The following MTMR14 variants were observed in gnomAD, a reference collection of about 807,000 sequenced individuals.
MTMR14 encodes the protein phosphatidylinositol-3,5-bisphosphate 3-phosphatase MTMR14.
In MTMR14, 48 loss-of-function variants were observed where a neutral mutation model predicts 86.3. That is an observed-to-expected ratio of 0.56 (90% CI 0.44 to 0.71). The LOEUF is 0.71. Ranked by LOEUF, MTMR14 falls within the 30% of genes least tolerant of loss-of-function variation. MTMR14 has a pLI of 0.00. For missense variants in MTMR14, 780 were observed against 834.6 expected (o/e 0.93, Z 0.81); for synonymous variants, 366 against 326.1 (o/e 1.12, Z -1.32).
At chr3:9,686,515 C>G (rs1305127593) in intron 13 of MTMR14, among the ~76,000 whole-genome samples, 42 of 152,152 alleles carry the variant, frequency 2.8e-4, no homozygotes, top group Non-Finnish European at 2.4e-4. Flanking sequence ...GACACTGATG[C>G]GTCCAAAGCA....
At chr3:9,693,338 G>A (rs1207774141) in intron 17 of MTMR14, among the ~76,000 whole-genome samples, 1 of 152,208 alleles carries the variant, frequency 6.6e-6, no homozygotes, top group African/African-American at 2.4e-5. Context: ...GGGAGGATGT[G>A]CATAGGTTAT....
At chr3:9,657,520 T>C (rs1477966255) in intron 2 of MTMR14, among the ~76,000 whole-genome samples, 1 of 152,104 alleles carries the variant, frequency 6.6e-6, no homozygotes, top group Non-Finnish European at 1.5e-5. Context: ...CCTACAACTA[T>C]TCAGTGAAGA....
At chr3:9,689,746 C>A (rs1163190119) in intron 16 of MTMR14, among the ~76,000 whole-genome samples, 3 of 152,264 alleles carry the variant, frequency 2.0e-5, no homozygotes, top group African/African-American at 7.2e-5. Flanking sequence ...GCACATACTT[C>A]AAGACCAGTA....
chr3:9,651,492 G>A (rs1301537604), intron 1 of MTMR14, among the ~76,000 whole-genome samples: 1 of 152,132 alleles, frequency 6.6e-6, no homozygotes, highest in Non-Finnish European at 1.5e-5. Context: ...GTTAGCATAA[G>A]TTACACCTCA....
chr3:9,655,096 G>C (rs974338241), intron 2 of MTMR14, among the ~76,000 whole-genome samples: 1 of 152,050 alleles, frequency 6.6e-6, no homozygotes, highest in African/African-American at 2.4e-5. Flanking sequence ...ATGGATTCTC[G>C]GCCTGGCCTA....
At chr3:9,697,341 A>C (rs1190792160) in intron 17 of MTMR14, among the ~76,000 whole-genome samples, 1 of 152,022 alleles carries the variant, frequency 6.6e-6, no homozygotes, top group Non-Finnish European at 1.5e-5. Context: ...GGTCACCTTC[A>C]TTTGGGTGCT....
chr3:9,662,201 A>G lies in MTMR14; in HGVS notation c.309-66A>G, dbSNP rs190873481. The stretch of plus-strand genomic sequence containing the variant: ...ATCTAGTATGGGGGTCTGTGTGAAT[A>G]AACACATATACACAAAGTGCCCACT... On this transcript the variant is annotated intron_variant, in intron 2 of 18. Transcript: ENST00000296003. 6.1e-5 allele frequency: 73 copies of G among 1,191,840 alleles called. No homozygotes were observed. In the African/African-American group the frequency reaches 9.4e-4, roughly 15 times the overall value. The allele number at this position is 1,191,840 out of a possible 1,614,324, so 73.8% of individuals were successfully genotyped here.
At chr3:9,695,019 G>A (rs1382357131) in intron 17 of MTMR14, among the ~76,000 whole-genome samples, 1 of 152,202 alleles carries the variant, frequency 6.6e-6, no homozygotes, top group East Asian at 1.9e-4. Context: ...GGGTTGCTTG[G>A]TCCCATGTTC....
chr3:9,684,641 A>G lies in MTMR14; in HGVS notation c.1021A>G (p.Ile341Val), dbSNP rs1370919131. 4 of 1,613,852 alleles carry G rather than the reference A, an allele frequency of 2.5e-6. No homozygotes were observed. Among genetic ancestry groups the G allele is most frequent in the African/African-American group, 1.3e-5 (1 of 74,916 alleles). ...AGGCTGGGATCGGACCCCCCTCTTC[A>G]TCTCCCTCCTGCGCCTTTCCTTGTG... ...ISGWDRTPLF[I>V]SLLRLSLWAD... The change falls in exon 11 of 19, where the codon ATC (isoleucine) becomes GTC (valine). Residue 341 changes from isoleucine to valine, a missense_variant. By Grantham distance (29) the Ile-to-Val change is conservative. Coordinates refer to ENST00000296003, the MANE Select transcript of MTMR14 (RefSeq NM_001077525.3).
At chr3:9,651,029 A>C (rs1387916793) in intron 1 of MTMR14, among the ~76,000 whole-genome samples, 1 of 152,084 alleles carries the variant, frequency 6.6e-6, no homozygotes, top group East Asian at 1.9e-4. Flanking sequence ...AGCTCAGGTG[A>C]TCCGCCTACC....
intron 1 of MTMR14, among the ~76,000 whole-genome samples, chr3:9,652,228 A>G (rs1000681359): frequency 6.6e-6 from 1 of 152,168 alleles, no homozygotes; most frequent in Non-Finnish European, 1.5e-5. Flanking sequence ...GTGCCTCCCA[A>G]AGTGCTGGGA....
At chr3:9,657,450 C>T (rs893261569) in intron 2 of MTMR14, among the ~76,000 whole-genome samples, 2 of 152,082 alleles carry the variant, frequency 1.3e-5, no homozygotes, top group Non-Finnish European at 2.9e-5. Context: ...GAGACTGAAA[C>T]TAGTATTTGT....
intron 3 of MTMR14, among the ~76,000 whole-genome samples, chr3:9,668,362 C>T (rs1166547235): frequency 6.6e-6 from 1 of 152,226 alleles, no homozygotes; most frequent in Non-Finnish European, 1.5e-5. Context: ...AGCAACAATG[C>T]ATGCCACCTG....
intron 13 of MTMR14, among the ~76,000 whole-genome samples, chr3:9,685,868 C>T (rs189347621): frequency 1.8e-4 from 28 of 152,280 alleles, no homozygotes; most frequent in Admixed American, 7.8e-4. Context: ...GGTCTGGAGT[C>T]GGCCCTGAGT....
chr3:9,686,061 T>C (rs1243825531), intron 13 of MTMR14, among the ~76,000 whole-genome samples: 1 of 152,162 alleles, frequency 6.6e-6, no homozygotes, highest in Non-Finnish European at 1.5e-5. Flanking sequence ...TTCTCATCTT[T>C]CTCACCCTCA....
In MTMR14 at chr3:9,656,331, C is replaced by T. The variant is rs529559649; in HGVS notation, c.308+2562C>T. On this transcript the variant is annotated intron_variant, in intron 2 of 18. Transcript: ENST00000296003. ...GTTATATAACCTAAGAACTTGGGAT[C>T]GCCAAGCCTAAAGAATTGGGGTTTG... 5.3e-5 allele frequency among the ~76,000 whole-genome samples: 8 copies of T among 152,224 alleles called. 1 individual carries two copies. The highest frequency in any genetic ancestry group is 1.4e-4 in the African/African-American group (6 of 41,540).
chr3:9,689,970 G>T lies in MTMR14; in HGVS notation c.1440G>T (p.Lys480Asn), dbSNP rs1324501486. 1 of 1,610,040 alleles carries T rather than the reference G, an allele frequency of 6.2e-7. No individual in the cohort carries two copies. The highest frequency in any genetic ancestry group is 1.3e-5 in the African/African-American group (1 of 74,982). The part of the protein sequence containing the change: ...AGAPTQAAWR[K>N]SHSSSPQSVL... ...CCTGCTCCTTCCACTGCAGGAGGAA[G>T]AGCCACTCATCCTCTCCACAGAGTG... Residue 480 changes from lysine to asparagine, a missense_variant, in exon 17 of 19, where the codon AAG becomes AAT. Physicochemically the swap from Lys to Asn is moderately conservative, Grantham distance 94 (BLOSUM62 0). Coordinates refer to ENST00000296003, the MANE Select transcript of MTMR14 (RefSeq NM_001077525.3).
intron 7 of MTMR14, among the ~76,000 whole-genome samples, chr3:9,674,310 A>T (rs2048735361): frequency 6.6e-6 from 1 of 152,138 alleles, no homozygotes; most frequent in African/African-American, 2.4e-5. Context: ...AAATGTTATC[A>T]CCCTTTGACC....
chr3:9,669,516 A>G (rs890355713), intron 5 of MTMR14, 24 bp downstream of exon 5: 1 of 1,607,824 alleles, frequency 6.2e-7, no homozygotes, highest in Non-Finnish European at 8.5e-7. Flanking sequence ...TGCTGTGGTC[A>G]GGGGCTTGTG....
Sources: gnomAD v4.1 joint callset for allele counts (sites outside exome capture counted in the v4.1 genomes callset) on GRCh38, gnomAD v4.1.1 for gene constraint, MANE v1.5 for transcripts, NCBI Gene and HGNC (gene_info 2026-07-23, HGNC 2026-07-21) for gene names.